NCKAP5: variants seen among roughly 807,000 people sequenced by gnomAD.
The protein encoded by NCKAP5 is nck-associated protein 5.
In NCKAP5, 92 loss-of-function variants were observed where a neutral mutation model predicts 167.0. That is an observed-to-expected ratio of 0.55 (90% CI 0.47 to 0.66). The LOEUF (loss-of-function observed/expected upper bound fraction) is 0.66. NCKAP5 is among the 30% of genes least tolerant of loss of function. NCKAP5 has a pLI of 0.00. For missense variants in NCKAP5, 2,378 were observed against 2,315.0 expected, an observed-to-expected ratio of 1.03 and a Z score of -0.56; for synonymous variants, 891 against 877.4, an observed-to-expected ratio of 1.02 and a Z score of -0.27.
intron 11 of NCKAP5, among the ~76,000 whole-genome samples, chr2:132,826,855 G>A (rs1687158152): frequency 6.6e-6 from 1 of 152,138 alleles, no homozygotes; most frequent in African/African-American, 2.4e-5. Flanking sequence ...ATTGATAGTA[G>A]AAGTTCACTG....
intron 15 of NCKAP5, among the ~76,000 whole-genome samples, chr2:132,775,218 A>G (rs1180185898): frequency 3.3e-5 from 5 of 152,236 alleles, no homozygotes; most frequent in African/African-American, 9.6e-5. Context: ...TGTGAAAGTC[A>G]TATGGCTGAA....
intron 11 of NCKAP5, among the ~76,000 whole-genome samples, chr2:132,851,988 T>G (rs969780107): frequency 6.6e-6 from 1 of 152,230 alleles, no homozygotes; most frequent in Non-Finnish European, 1.5e-5. Context: ...CTGATAGCAA[T>G]GGACAGTCCA....
chr2:133,462,868 C>A (rs1394325266), intron 3 of NCKAP5, among the ~76,000 whole-genome samples: 1 of 152,192 alleles, frequency 6.6e-6, no homozygotes, highest in Non-Finnish European at 1.5e-5. Context: ...TTTACAAAGT[C>A]GTTTTCTGAT....
At chr2:133,444,039 A>T (rs1434258609) in intron 3 of NCKAP5, among the ~76,000 whole-genome samples, 1 of 151,962 alleles carries the variant, frequency 6.6e-6, no homozygotes, top group African/African-American at 2.4e-5. Flanking sequence ...TTGTTTTTTA[A>T]AAAGTCCTTT....
chr2:132,848,295 G>A (rs1479118840), intron 11 of NCKAP5, among the ~76,000 whole-genome samples: 1 of 152,184 alleles, frequency 6.6e-6, no homozygotes, highest in Non-Finnish European at 1.5e-5. Context: ...TGAGAAGACA[G>A]TTTTCCATCT....
chr2:133,582,709 G>A, the NCKAP5 span, among the ~76,000 whole-genome samples: 4 of 152,082 alleles, frequency 2.6e-5, no homozygotes, highest in African/African-American at 9.7e-5. Context: ...TTAGCGTTTC[G>A]ATTAAGACAA....
intron 7 of NCKAP5, among the ~76,000 whole-genome samples, chr2:132,982,071 A>G (rs1444021488): frequency 3.3e-5 from 5 of 152,222 alleles, no homozygotes; most frequent in African/African-American, 1.2e-4. Flanking sequence ...TGGCCATAGA[A>G]GTACAGTAAG....
At chr2:133,396,973 T>C (rs549251909) in intron 3 of NCKAP5, among the ~76,000 whole-genome samples, 1 of 152,224 alleles carries the variant, frequency 6.6e-6, no homozygotes, top group Non-Finnish European at 1.5e-5. Context: ...TAATGCAGAA[T>C]GGTGTGAAGA....
chr2:133,397,206 T>C (rs1052862887), intron 3 of NCKAP5, among the ~76,000 whole-genome samples: 3 of 152,206 alleles, frequency 2.0e-5, no homozygotes, highest in African/African-American at 7.2e-5. Context: ...TCTCTTCCCA[T>C]AACGAAATGC....
the NCKAP5 span, among the ~76,000 whole-genome samples, chr2:133,642,422 A>G: frequency 1.8e-4 from 27 of 152,288 alleles, no homozygotes; most frequent in African/African-American, 6.5e-4. Flanking sequence ...AGCCAGATGA[A>G]CATATAGAAA....
At chr2:133,634,829 T>G in the NCKAP5 span, among the ~76,000 whole-genome samples, 5 of 152,072 alleles carry the variant, frequency 3.3e-5, no homozygotes, top group East Asian at 1.9e-4. Flanking sequence ...ATCTGAAATT[T>G]GAATTTGCTG....
At chr2:133,419,325 C>A (rs1689322569) in intron 3 of NCKAP5, among the ~76,000 whole-genome samples, 1 of 152,138 alleles carries the variant, frequency 6.6e-6, no homozygotes, top group African/African-American at 2.4e-5. Flanking sequence ...CTTGTGGTTG[C>A]CCAGTGATAT....
the NCKAP5 span, among the ~76,000 whole-genome samples, chr2:133,651,558 G>C: frequency 1.3e-5 from 2 of 152,168 alleles, no homozygotes; most frequent in South Asian, 2.1e-4. Context: ...TTTGCACACT[G>C]TTGGTGAAAA....
At chr2:132,772,043 T>C (rs1006610916) in intron 16 of NCKAP5, among the ~76,000 whole-genome samples, 25 of 151,940 alleles carry the variant, frequency 1.6e-4, no homozygotes, top group African/African-American at 5.6e-4. Context: ...TCTGGGTAGA[T>C]AGACAAATAC....
intron 4 of NCKAP5, among the ~76,000 whole-genome samples, chr2:133,239,190 A>T (rs2087563523): frequency 6.6e-6 from 1 of 152,194 alleles, no homozygotes; most frequent in Admixed American, 6.5e-5. Flanking sequence ...TATGTTTACT[A>T]GAAAGAATTT....
chr2:133,536,939 C>A (rs538576381), intron 2 of NCKAP5, among the ~76,000 whole-genome samples: 19 of 152,030 alleles, frequency 1.2e-4, no homozygotes, highest in African/African-American at 4.1e-4. Context: ...TTAGCTCTTA[C>A]ATTTAGGTCT....
intron 2 of NCKAP5, chr2:133,554,269 C>T (rs1687581617): frequency 6.6e-6 from 1 of 152,140 alleles, no homozygotes; most frequent in Non-Finnish European, 1.5e-5. Flanking sequence ...CCACAATTGC[C>T]ATATAATGCA....
upstream of NCKAP5, among the ~76,000 whole-genome samples, chr2:133,570,504 A>C (rs2105067990): frequency 6.6e-6 from 1 of 152,294 alleles, no homozygotes; most frequent in African/African-American, 2.4e-5. Flanking sequence ...AGAGGAAGAC[A>C]CAAGCACTAG....
rs752311210 is a variant in NCKAP5 at position 133,303,259 on chromosome 2, AT to A, written c.70-150del. The stretch of plus-strand genomic sequence containing the variant: ...GGATTCTCTGCTTCTATGACTTGCA[AT>A]CATATGTAAATACTATTTTTTCATG... On this transcript the variant is annotated intron_variant, in intron 3 of 19. Coordinates refer to ENST00000409261, the MANE Select transcript of NCKAP5 (RefSeq NM_207363.3). 264 of 614,744 alleles carry A rather than the reference AT, an allele frequency of 4.3e-4. 1 individual carries two copies. The highest frequency in any genetic ancestry group is 1.3e-3 in the South Asian group (64 of 48,474). The allele number at this position is 614,744 out of a possible 1,614,324, so 38.1% of individuals were successfully genotyped here. A position where few individuals can be genotyped will look rare whatever the true frequency, so the allele number is the denominator to read the frequency against.
Sources: allele counts gnomAD v4.1 joint callset (sites outside exome capture counted in the v4.1 genomes callset), GRCh38; gene constraint gnomAD v4.1.1; transcripts MANE v1.5; gene names NCBI Gene and HGNC (gene_info 2026-07-23, HGNC 2026-07-21).